The following EYS variants were observed in gnomAD, a reference collection of about 807,000 sequenced individuals.
EYS encodes the protein protein eyes shut homolog.
Under a neutral mutation model 282.1 loss-of-function variants are expected in EYS, and 250 were observed. The ratio of observed to expected loss-of-function variants is 0.89; its 90% confidence interval spans 0.80 to 0.98. The LOEUF (loss-of-function observed/expected upper bound fraction) is 0.98. EYS is among the 50% of genes least tolerant of loss of function. The pLI is 0.00. For missense variants in EYS, 4,016 were observed against 3,709.0 expected (o/e 1.08, Z -2.15); for synonymous variants, 1,355 against 1,282.9 (o/e 1.06, Z -1.20).
At chr6:65,190,376 A>G (rs1177232039) in intron 12 of EYS, among the ~76,000 whole-genome samples, 1 of 149,846 alleles carries the variant, frequency 6.7e-6, no homozygotes, top group Non-Finnish European at 1.5e-5. Context: ...TATGTTCACT[A>G]TTTTACATTC....
chr6:64,948,621 TA>T (rs1769379694), intron 14 of EYS, among the ~76,000 whole-genome samples: 1 of 147,418 alleles, frequency 6.8e-6, no homozygotes, highest in Non-Finnish European at 1.5e-5. Flanking sequence ...TAAATAATAG[TA>T]AATACTAGTA....
chr6:64,959,111 T>C (rs759418704), intron 14 of EYS, among the ~76,000 whole-genome samples: 1 of 152,186 alleles, frequency 6.6e-6, no homozygotes, highest in African/African-American at 2.4e-5. Flanking sequence ...GTCGTAGTTG[T>C]GGTAACCATG....
At position 65,057,599 on chromosome 6, in the gene EYS, C is replaced by G. The variant is rs1196378799; in HGVS notation, c.2137+15G>C. 3 of 1,440,948 alleles carry G rather than the reference C, an allele frequency of 2.1e-6. No individual in the cohort carries two copies. The highest frequency in any genetic ancestry group is 2.9e-6 in the Non-Finnish European group (3 of 1,046,210). 89.3% of individuals were successfully genotyped at this position (1,440,948 alleles called of 1,614,324 possible). A position where few individuals can be genotyped will look rare whatever the true frequency, so the allele number is the denominator to read the frequency against. On this transcript the variant is annotated intron_variant, in intron 13 of 42. Transcript: ENST00000503581. Reference sequence around the variant, plus strand: ...TAATTATGTTTGCTTTTCCTTATCCCTTGGTGTTCATTACCTTTAAATGGA... The same window carrying G: ...TAATTATGTTTGCTTTTCCTTATCCGTTGGTGTTCATTACCTTTAAATGGA...
intron 11 of EYS, chr6:65,332,117 TC>T: frequency 2.3e-6 from 1 of 435,098 alleles, no homozygotes; most frequent in African/African-American, 2.0e-5. Flanking sequence ...TTATGTTTCT[TC>T]ATTCTTCTTA....
intron 26 of EYS, among the ~76,000 whole-genome samples, chr6:64,537,933 G>A (rs1764578258): frequency 1.3e-5 from 2 of 152,104 alleles, no homozygotes; most frequent in African/African-American, 4.8e-5. Flanking sequence ...TTTTTACTGG[G>A]TAAGAGATCT....
chr6:65,384,525 G>T, intron 7 of EYS, 25 bp from the exon 8 acceptor site: 1 of 1,111,968 alleles, frequency 9.0e-7, no homozygotes. Context: ...GTGTAAATTA[G>T]AAAAATTATA....
chr6:65,296,075 T>A lies in EYS; in HGVS notation c.1811A>T (p.Asn604Ile). 1 of 1,550,552 alleles carries A rather than the reference T, an allele frequency of 6.4e-7. No individual in the cohort carries two copies. The highest frequency in any genetic ancestry group is 8.7e-7 in the Non-Finnish European group (1 of 1,146,310). Residue 604 changes from asparagine to isoleucine, a missense_variant, in exon 12 of 43, where the codon AAT becomes ATT. By Grantham distance (149) the Asn-to-Ile change is moderately radical. Coordinates refer to ENST00000503581, the MANE Select transcript of EYS (RefSeq NM_001142800.2). ...LSYIGRLCVV[N>I]VDYCLGNHSI... is the part of the protein sequence containing the mutation. ...GTGGTTCCCTAAGCAATAGTCAACATTGACAACACACAATCTGCCAATGTA... is the reference window on the plus strand; with the variant it reads ...GTGGTTCCCTAAGCAATAGTCAACAATGACAACACACAATCTGCCAATGTA...
chr6:64,350,961 C>G (rs1256156927), intron 29 of EYS, among the ~76,000 whole-genome samples: 1 of 151,416 alleles, frequency 6.6e-6, no homozygotes, highest in Non-Finnish European at 1.5e-5. Context: ...TGGCACTTGT[C>G]TCCTGCTGCC....
intron 29 of EYS, among the ~76,000 whole-genome samples, chr6:64,337,866 TA>T (rs2150394608): frequency 6.6e-6 from 1 of 152,000 alleles, no homozygotes; most frequent in African/African-American, 2.4e-5. Flanking sequence ...TACATGGAAT[TA>T]AAAAGAAACA....
chr6:64,734,083 C>T (rs1220156958), intron 22 of EYS, among the ~76,000 whole-genome samples: 1 of 150,900 alleles, frequency 6.6e-6, no homozygotes, highest in Admixed American at 6.6e-5. Context: ...TGGTGCTTAC[C>T]CAATCACGAA....
intron 10 of EYS, among the ~76,000 whole-genome samples, chr6:65,341,696 T>G (rs1043061101): frequency 6.6e-6 from 1 of 151,284 alleles, no homozygotes; most frequent in Non-Finnish European, 1.5e-5. Context: ...TTTGTTCTTA[T>G]GTGTTTGAAA....
At chr6:63,994,049 A>T (rs1287550323) in intron 34 of EYS, among the ~76,000 whole-genome samples, 1 of 151,978 alleles carries the variant, frequency 6.6e-6, no homozygotes, top group Non-Finnish European at 1.5e-5. Flanking sequence ...AATAATCTTC[A>T]ACAAATGGTC....
chr6:64,149,246 G>A (rs1027751133), intron 31 of EYS, among the ~76,000 whole-genome samples: 3 of 152,154 alleles, frequency 2.0e-5, no homozygotes, highest in African/African-American at 7.2e-5. Context: ...TGGAGAAAAC[G>A]TGCATGCATT....
At chr6:65,431,298 T>G (rs1049690437) in intron 5 of EYS, among the ~76,000 whole-genome samples, 3 of 152,132 alleles carry the variant, frequency 2.0e-5, no homozygotes, top group African/African-American at 7.2e-5. Flanking sequence ...CCATCCTGTA[T>G]CTTGGGTTGG....
chr6:64,069,153 C>T (rs1208383193), intron 32 of EYS, among the ~76,000 whole-genome samples: 1 of 151,418 alleles, frequency 6.6e-6, no homozygotes, highest in Non-Finnish European at 1.5e-5. Context: ...TGACTTTAGC[C>T]CCATAAGACT....
At chr6:64,786,914 T>A (rs188281190) in intron 22 of EYS, among the ~76,000 whole-genome samples, 35 of 152,332 alleles carry the variant, frequency 2.3e-4, no homozygotes, top group Non-Finnish European at 4.6e-4. Context: ...CCTTTTCATA[T>A]GCTGCCAAGA....
Position 64,674,341 on chromosome 6 carries a change from A to C in EYS, c.3444-48096T>G, listed in dbSNP as rs574884485. ...TTTCTTTGAGACTTTATTCACTAAT[A>C]TTTCAATTTGGCAAAGTGTGTCCAT... On this transcript the variant is annotated intron_variant, in intron 22 of 42. Coordinates refer to ENST00000503581, the MANE Select transcript of EYS (RefSeq NM_001142800.2). Among the ~76,000 whole-genome samples the C allele has an allele frequency of 8.6e-4, 131 of 152,190 alleles. 1 individual carries two copies. The highest frequency in any genetic ancestry group is 1.9e-3 in the South Asian group (9 of 4,828).
Position 65,488,640 on chromosome 6 carries a change from T to G in EYS, c.862+1954A>C, listed in dbSNP as rs147960598. 7.9e-3 allele frequency among the ~76,000 whole-genome samples: 1,197 copies of G among 152,228 alleles called. 13 individuals are homozygous for G. Among genetic ancestry groups the G allele is most frequent in the African/African-American group, 0.026 (1,068 of 41,546 alleles). On this transcript the variant is annotated intron_variant, in intron 5 of 42. Transcript: ENST00000503581. ...GGAAAAATCTACTATAAACTTCATA[T>G]GGAACCAAAAAAGAGCCCACATAGC...
At chr6:64,476,445 A>G (rs940322868) in intron 26 of EYS, among the ~76,000 whole-genome samples, 3 of 151,960 alleles carry the variant, frequency 2.0e-5, no homozygotes, top group African/African-American at 7.2e-5. Context: ...TCAGAATGAT[A>G]AAATAGTACA....
Sources: allele counts gnomAD v4.1 joint callset (sites outside exome capture counted in the v4.1 genomes callset), GRCh38; gene constraint gnomAD v4.1.1; transcripts MANE v1.5; gene names NCBI Gene and HGNC (gene_info 2026-07-23, HGNC 2026-07-21).